Variants in HTR7 observed in about 807,000 individuals in gnomAD.
The protein encoded by HTR7 is 5-hydroxytryptamine receptor 7, also known as 5-HT-7.
Under a neutral mutation model 34.0 loss-of-function variants are expected in HTR7, and 16 were observed. The observed-to-expected ratio is 0.47, with a 90% confidence interval of 0.32 to 0.71. The LOEUF is 0.71. Ranked by LOEUF, HTR7 falls within the 30% of genes least tolerant of loss-of-function variation. HTR7 has a pLI of 0.04. For missense variants in HTR7, 504 were observed against 625.5 expected, an observed-to-expected ratio of 0.81 and a Z score of 2.07; for synonymous variants, 265 against 260.2, an observed-to-expected ratio of 1.02 and a Z score of -0.18.
intron 1 of HTR7, among the ~76,000 whole-genome samples, chr10:90,806,231 G>A (rs966333505): frequency 6.6e-6 from 1 of 152,154 alleles, no homozygotes; most frequent in African/African-American, 2.4e-5. Flanking sequence ...AAAGAGAAAG[G>A]ATAAAAGGGT....
At chr10:90,795,819 A>T (rs1845529339) in intron 1 of HTR7, among the ~76,000 whole-genome samples, 1 of 152,196 alleles carries the variant, frequency 6.6e-6, no homozygotes, top group African/African-American at 2.4e-5. Context: ...GGGCGGGACA[A>T]CTTGAAGCTT....
intron 1 of HTR7, among the ~76,000 whole-genome samples, chr10:90,838,162 A>G (rs1846279665): frequency 1.3e-5 from 2 of 152,182 alleles, no homozygotes; most frequent in Non-Finnish European, 2.9e-5. Context: ...CTAGACTCAT[A>G]TTCAAATGTC....
At chr10:90,845,704 A>G (rs1846405256) in intron 1 of HTR7, among the ~76,000 whole-genome samples, 1 of 152,212 alleles carries the variant, frequency 6.6e-6, no homozygotes, top group African/African-American at 2.4e-5. Flanking sequence ...GAAGTTTTAG[A>G]AAGTGTAGGT....
intron 1 of HTR7, among the ~76,000 whole-genome samples, chr10:90,798,853 T>C (rs1368144707): frequency 6.6e-6 from 1 of 152,184 alleles, no homozygotes; most frequent in African/African-American, 2.4e-5. Flanking sequence ...AGTTTATACT[T>C]TGAAACAAAG....
At position 90,743,633 on chromosome 10, in the gene HTR7, CA is replaced by C. The variant is rs1564666310; in HGVS notation, c.1352del (p.Val451GlyfsTer13). The C allele has an allele frequency of 3.1e-6, 5 of 1,614,064 alleles. No homozygotes were observed. Among genetic ancestry groups the C allele is most frequent in the Non-Finnish European group, 4.2e-6 (5 of 1,179,918 alleles). On this transcript the variant is annotated frameshift_variant, in exon 3 of 4. Transcript: ENST00000336152. LOFTEE classifies it high-confidence loss of function. ...GATGGTCTGGAGATTGTAGCACCCA[CA>C]CAGATACCGGTGGCCTCTTTTCTGG... ...LRPEKRPPVSVWVLQSPDHHN... is the reference protein window; with the variant it reads ...LRPEKRPPVSXWVLQSPDHHN...
intron 1 of HTR7, among the ~76,000 whole-genome samples, chr10:90,773,613 C>A (rs1435041372): frequency 6.6e-6 from 1 of 152,144 alleles, no homozygotes; most frequent in Non-Finnish European, 1.5e-5. Context: ...CCAACCCCCA[C>A]TACTCTTCCC....
At chr10:90,846,778 G>A (rs1846418810) in intron 1 of HTR7, among the ~76,000 whole-genome samples, 1 of 152,230 alleles carries the variant, frequency 6.6e-6, no homozygotes. Context: ...AAGAAATGCA[G>A]CCTTTATTCT....
intron 1 of HTR7, among the ~76,000 whole-genome samples, chr10:90,839,206 T>C (rs2120081779): frequency 6.6e-6 from 1 of 152,324 alleles, no homozygotes; most frequent in African/African-American, 2.4e-5. Flanking sequence ...TGAAAAATTG[T>C]AAGACAATCC....
At position 90,840,177 on chromosome 10, in the gene HTR7, TCACACACACACA is replaced by T. The variant is rs35170324; in HGVS notation, c.539+16944_539+16955del. Among the ~76,000 whole-genome samples the T allele has an allele frequency of 8.0e-4, 109 of 136,884 alleles. 1 individual carries two copies. Among genetic ancestry groups the T allele is most frequent in the Admixed American group, 2.5e-3 (33 of 13,354 alleles). 89.8% of individuals were successfully genotyped at this position (136,884 alleles called of 152,430 possible). A position where few individuals can be genotyped will look rare whatever the true frequency, so the allele number is the denominator to read the frequency against. ...CTCCATCTGTTTCTCTCTCTCTCTC[TCACACACACACA>T]CACACACACACACACACACACACAC... is the stretch of plus-strand genomic sequence containing the variant. On this transcript the variant is annotated intron_variant, in intron 1 of 3. Transcript: ENST00000336152.
chr10:90,746,874 G>A (rs1193595829), intron 2 of HTR7, among the ~76,000 whole-genome samples: 2 of 152,112 alleles, frequency 1.3e-5, no homozygotes, highest in Non-Finnish European at 2.9e-5. Flanking sequence ...TCTAGGAGTG[G>A]ATACCACTCG....
chr10:90,828,198 G>A (rs2120038468), intron 1 of HTR7, among the ~76,000 whole-genome samples: 1 of 152,172 alleles, frequency 6.6e-6, no homozygotes, highest in East Asian at 1.9e-4. Flanking sequence ...AAAACCTGTG[G>A]GATATAGTGA....
chr10:90,767,864 T>G (rs1483741694), intron 1 of HTR7, among the ~76,000 whole-genome samples: 3 of 152,042 alleles, frequency 2.0e-5, no homozygotes, highest in African/African-American at 7.2e-5. Flanking sequence ...TTCCAAGCAG[T>G]AAAGGTGGAA....
intron 1 of HTR7, among the ~76,000 whole-genome samples, chr10:90,831,052 G>A (rs1846162437): frequency 6.6e-6 from 1 of 151,390 alleles, no homozygotes; most frequent in Non-Finnish European, 1.5e-5. Flanking sequence ...TGTGAAGGTT[G>A]TACTACATAA....
At chr10:90,758,906 G>A (rs576777569) in intron 1 of HTR7, among the ~76,000 whole-genome samples, 9 of 152,060 alleles carry the variant, frequency 5.9e-5, no homozygotes, top group Non-Finnish European at 1.2e-4. Flanking sequence ...GTGAAATAGC[G>A]GCCGGGCGTG....
At chr10:90,765,573 TG>T (rs1210854605) in intron 1 of HTR7, among the ~76,000 whole-genome samples, 1 of 152,114 alleles carries the variant, frequency 6.6e-6, no homozygotes, top group African/African-American at 2.4e-5. Flanking sequence ...CTGCTAAATT[TG>T]GCCTTTTTCT....
At position 90,809,944 on chromosome 10, in the gene HTR7, C is replaced by T. The variant is rs184429620; in HGVS notation, c.539+47189G>A. Among the ~76,000 whole-genome samples the T allele has an allele frequency of 3.1e-3, 470 of 152,306 alleles. 3 individuals carry two copies. Among genetic ancestry groups the T allele is most frequent in the African/African-American group, 0.01 (430 of 41,582 alleles). On this transcript the variant is annotated intron_variant, in intron 1 of 3. Coordinates refer to ENST00000336152, the MANE Select transcript of HTR7 (RefSeq NM_019859.4). The stretch of plus-strand genomic sequence containing the variant: ...AAGCCCCCTAGACCATCACGGACTC[C>T]GAGCTTCGGGTAACCTTCACAGTGG...
At chr10:90,778,678 G>A (rs1171499844) in intron 1 of HTR7, among the ~76,000 whole-genome samples, 1 of 152,172 alleles carries the variant, frequency 6.6e-6, no homozygotes, top group Non-Finnish European at 1.5e-5. Context: ...ATGAAGTGGG[G>A]TCTCCCACAG....
intron 1 of HTR7, among the ~76,000 whole-genome samples, chr10:90,768,147 A>G (rs558917389): frequency 2.0e-5 from 3 of 152,242 alleles, no homozygotes; most frequent in African/African-American, 4.8e-5. Flanking sequence ...CTCATTCACC[A>G]TCTTAACCCA....
chr10:90,842,005 A>G (rs1846336628), intron 1 of HTR7, among the ~76,000 whole-genome samples: 1 of 147,860 alleles, frequency 6.8e-6, no homozygotes, highest in Non-Finnish European at 1.5e-5. Context: ...TCTCAAAGAA[A>G]AACAAAAACA....
Sources: gnomAD v4.1 joint callset for allele counts (sites outside exome capture counted in the v4.1 genomes callset) on GRCh38, gnomAD v4.1.1 for gene constraint, MANE v1.5 for transcripts, NCBI Gene and HGNC (gene_info 2026-07-23, HGNC 2026-07-21) for gene names.